TMEM135: variants seen among roughly 807,000 people sequenced by gnomAD.
The protein encoded by TMEM135 is transmembrane protein 135.
In TMEM135, 30 loss-of-function variants were observed where a neutral mutation model predicts 60.3. The ratio of observed to expected loss-of-function variants is 0.50; its 90% confidence interval spans 0.37 to 0.68. TMEM135 has a LOEUF of 0.68. Among genes scored for constraint, TMEM135 ranks in the 30% least tolerant of loss-of-function variants. The probability of loss-of-function intolerance (pLI) is 0.00; values close to 1 mark genes in which losing one functional copy is unlikely to be tolerated. For synonymous variants in TMEM135, 190 were observed against 186.7 expected (o/e 1.02, Z -0.14); for missense variants, 468 against 548.8 (o/e 0.85, Z 1.47).
intron 4 of TMEM135, among the ~76,000 whole-genome samples, chr11:87,137,225 T>C (rs753489598): frequency 1.3e-5 from 2 of 151,728 alleles, no homozygotes; most frequent in Non-Finnish European, 2.9e-5. Context: ...TTTATTGTTA[T>C]GTAACAACCT....
chr11:87,172,967 A>G (rs1939278691), intron 5 of TMEM135, among the ~76,000 whole-genome samples: 1 of 151,798 alleles, frequency 6.6e-6, no homozygotes, highest in Non-Finnish European at 1.5e-5. Context: ...AACATTACTA[A>G]AATTATTACA....
chr11:87,082,837 T>C (rs1361225383), intron 3 of TMEM135, among the ~76,000 whole-genome samples: 1 of 152,200 alleles, frequency 6.6e-6, no homozygotes, highest in Non-Finnish European at 1.5e-5. Flanking sequence ...TAGCAAATAA[T>C]GGTAGTCCTA....
intron 4 of TMEM135, among the ~76,000 whole-genome samples, chr11:87,139,053 C>T (rs555883453): frequency 5.9e-5 from 9 of 152,206 alleles, no homozygotes; most frequent in African/African-American, 1.4e-4. Flanking sequence ...CTGTTGCTTT[C>T]GGCAGCTTCC....
chr11:87,264,857 T>G (rs1251489613), intron 6 of TMEM135, among the ~76,000 whole-genome samples: 1 of 99,080 alleles, frequency 1.0e-5, no homozygotes, highest in East Asian at 2.3e-4. Flanking sequence ...TTGACTAGAT[T>G]TTCAAAGAGA....
chr11:87,053,473 T>C (rs1024162772), intron 1 of TMEM135, among the ~76,000 whole-genome samples: 13 of 152,172 alleles, frequency 8.5e-5, no homozygotes, highest in African/African-American at 3.1e-4. Flanking sequence ...TATTGAGTAC[T>C]TACTTAGGTG....
At chr11:87,283,577 G>A (rs1161224173) in intron 6 of TMEM135, among the ~76,000 whole-genome samples, 1 of 144,698 alleles carries the variant, frequency 6.9e-6, no homozygotes, top group Non-Finnish European at 1.5e-5. Flanking sequence ...AAATTAATGG[G>A]GCTGGGTGCG....
At chr11:87,187,973 T>C (rs1000590132) in intron 5 of TMEM135, among the ~76,000 whole-genome samples, 1 of 152,196 alleles carries the variant, frequency 6.6e-6, no homozygotes, top group African/African-American at 2.4e-5. Context: ...TTTATCTGTC[T>C]TTGTTTAGAA....
intron 5 of TMEM135, among the ~76,000 whole-genome samples, chr11:87,177,149 C>G (rs577201747): frequency 6.6e-6 from 1 of 152,218 alleles, no homozygotes; most frequent in South Asian, 2.1e-4. Flanking sequence ...CCAGATTGCC[C>G]CAATTGAAAG....
At chr11:87,317,352 A>AT (rs1354380094) in intron 12 of TMEM135, among the ~76,000 whole-genome samples, 1 of 152,094 alleles carries the variant, frequency 6.6e-6, no homozygotes, top group African/African-American at 2.4e-5. Flanking sequence ...ACTGTTACAT[A>AT]TTTTTCTCAA....
chr11:87,252,796 A>ATGTG (rs1430756887), intron 6 of TMEM135, among the ~76,000 whole-genome samples: 22 of 81,150 alleles, frequency 2.7e-4, no homozygotes, highest in African/African-American at 8.4e-4. Flanking sequence ...ATTAAAATAT[A>ATGTG]TATGTGTGTG....
At chr11:87,126,253 G>C (rs907837100) in intron 4 of TMEM135, among the ~76,000 whole-genome samples, 1 of 152,050 alleles carries the variant, frequency 6.6e-6, no homozygotes, top group African/African-American at 2.4e-5. Flanking sequence ...ATATTTATCA[G>C]TAGGCTCTTA....
chr11:87,320,691 G>A (rs1431812285), intron 14 of TMEM135, among the ~76,000 whole-genome samples: 11 of 152,096 alleles, frequency 7.2e-5, no homozygotes, highest in Admixed American at 2.0e-4. Flanking sequence ...TTAAACATTT[G>A]AAAACCTATA....
chr11:87,274,836 A>G (rs1439923703), intron 6 of TMEM135, among the ~76,000 whole-genome samples: 4 of 134,152 alleles, frequency 3.0e-5, no homozygotes, highest in Admixed American at 7.5e-5. Context: ...GTGTTTATAT[A>G]TTTATATATG....
intron 4 of TMEM135, among the ~76,000 whole-genome samples, chr11:87,103,472 GTTTTTTTTGTT>G (rs1480748633): frequency 6.3e-5 from 5 of 79,654 alleles, no homozygotes; most frequent in Non-Finnish European, 9.9e-5. Flanking sequence ...TGTTAGCCAT[GTTTTTTTTGTT>G]TTTTTTTTTT....
intron 6 of TMEM135, among the ~76,000 whole-genome samples, chr11:87,251,755 A>G (rs1941421506): frequency 6.9e-6 from 1 of 144,054 alleles, no homozygotes. Context: ...CAGTAGTGAG[A>G]AAAAACACTG....
rs572872887 is a variant in TMEM135, at chr11:87,290,073, AT to A, written c.510-5705del. Among the ~76,000 whole-genome samples, 22 of 152,338 alleles carry A rather than the reference AT, an allele frequency of 1.4e-4. No homozygotes were observed. In the East Asian group the frequency reaches 3.9e-3, roughly 27 times the overall value. The stretch of plus-strand genomic sequence containing the variant: ...CCCATTCTGTAGATTGCGAAGAAAT[AT>A]TTTAAAGATTTATAAAGTACATCTT... On this transcript the variant is annotated intron_variant, in intron 6 of 14. Coordinates refer to ENST00000305494, the MANE Select transcript of TMEM135 (RefSeq NM_022918.4).
intron 4 of TMEM135, among the ~76,000 whole-genome samples, chr11:87,111,811 C>T (rs529998091): frequency 6.6e-6 from 1 of 152,168 alleles, no homozygotes; most frequent in South Asian, 2.1e-4. Context: ...CAAAAGCACC[C>T]TGTTAAATAG....
At chr11:87,276,665 A>ATTTTTTTTTTTTTTTTT (rs11340916) in intron 6 of TMEM135, among the ~76,000 whole-genome samples, 1 of 115,636 alleles carries the variant, frequency 8.6e-6, no homozygotes, top group Non-Finnish European at 1.7e-5. Flanking sequence ...GTGTTTGTGA[A>ATTTTTTTTTTTTTTTTT]TTTTTTTTTT....
At chr11:87,172,913 A>T (rs1257145937) in intron 5 of TMEM135, among the ~76,000 whole-genome samples, 1 of 151,840 alleles carries the variant, frequency 6.6e-6, no homozygotes, top group Admixed American at 6.6e-5. Flanking sequence ...GATATTTCTT[A>T]TGCACAAAGA....
Sources: allele counts gnomAD v4.1 joint callset (sites outside exome capture counted in the v4.1 genomes callset), GRCh38; gene constraint gnomAD v4.1.1; transcripts MANE v1.5; gene names NCBI Gene and HGNC (gene_info 2026-07-23, HGNC 2026-07-21).